Variants in TENM3 observed in about 807,000 individuals in gnomAD.
The protein encoded by TENM3 is teneurin-3.
Under a neutral mutation model 255.1 loss-of-function variants are expected in TENM3, and 63 were observed. The observed-to-expected ratio is 0.25, with a 90% CI of 0.20 to 0.30. The LOEUF is 0.30. Among genes scored for constraint, TENM3 ranks in the 10% least tolerant of loss-of-function variants. TENM3 has a pLI of 1.00. For missense variants in TENM3, 2,929 were observed against 3,461.1 expected, an observed-to-expected ratio of 0.85 and a Z score of 3.86; for synonymous variants, 1,306 against 1,322.3, an observed-to-expected ratio of 0.99 and a Z score of 0.27.
intron 7 of TENM3, among the ~76,000 whole-genome samples, chr4:182,674,078 A>G (rs1755451501): frequency 6.6e-6 from 1 of 152,240 alleles, no homozygotes; most frequent in South Asian, 2.1e-4. Context: ...AGGAATATCA[A>G]AAATGTAAGA....
chr4:182,168,228 G>A (rs1043911089), intron 1 of TENM3, among the ~76,000 whole-genome samples: 1 of 151,876 alleles, frequency 6.6e-6, no homozygotes, highest in Non-Finnish European at 1.5e-5. Flanking sequence ...TCCATCTCTG[G>A]GGCTCAAACA....
At chr4:182,727,151 A>ATT (rs778046244) in intron 13 of TENM3, among the ~76,000 whole-genome samples, 15 of 152,092 alleles carry the variant, frequency 9.9e-5, no homozygotes, top group Non-Finnish European at 2.1e-4. Context: ...GTAATTACCA[A>ATT]GGAGATAAAA....
At chr4:181,489,728 C>G in the TENM3 span, among the ~76,000 whole-genome samples, 1 of 152,098 alleles carries the variant, frequency 6.6e-6, no homozygotes, top group Non-Finnish European at 1.5e-5. Flanking sequence ...CTTTAAATAA[C>G]TAATTTCACT....
chr4:182,388,654 A>G (rs11729895), intron 3 of TENM3, among the ~76,000 whole-genome samples: 110,245 of 152,126 alleles, frequency 0.72, 42,107 homozygotes, highest in Non-Finnish European at 0.86. Flanking sequence ...TTTCAATGTA[A>G]TTCTTTTTCT....
the TENM3 span, among the ~76,000 whole-genome samples, chr4:182,005,265 C>A: frequency 6.6e-6 from 1 of 152,066 alleles, no homozygotes; most frequent in Non-Finnish European, 1.5e-5. Context: ...AGGAAGGGGT[C>A]CGGTTTCAGT....
the TENM3 span, among the ~76,000 whole-genome samples, chr4:182,075,705 T>G: frequency 6.6e-6 from 1 of 152,168 alleles, no homozygotes; most frequent in Non-Finnish European, 1.5e-5. Flanking sequence ...ACAAGAGCCA[T>G]CAACATCTCC....
chr4:181,712,436 C>A, the TENM3 span, among the ~76,000 whole-genome samples: 1 of 152,134 alleles, frequency 6.6e-6, no homozygotes, highest in Non-Finnish European at 1.5e-5. Context: ...TATCACTCCC[C>A]CTTTGCCTTT....
intron 24 of TENM3, among the ~76,000 whole-genome samples, chr4:182,778,103 G>T (rs781675129): frequency 5.3e-4 from 81 of 151,962 alleles, no homozygotes; most frequent in Non-Finnish European, 1.1e-3. Flanking sequence ...GATAGCAGTT[G>T]CTTACCTGTG....
At chr4:181,688,096 A>G in the TENM3 span, among the ~76,000 whole-genome samples, 4 of 152,232 alleles carry the variant, frequency 2.6e-5, no homozygotes, top group African/African-American at 9.6e-5. Flanking sequence ...TCTGCTCTCT[A>G]TACTCTATTT....
rs1772294384 is a variant in TENM3 at position 182,439,413 on chromosome 4, A to G, written c.511+92484A>G. ...ACAGACCCTAGGTAGAAATTTGCCT[A>G]AAAGAATTTGTATATTTTTTCCTAC... On this transcript the variant is annotated intron_variant, in intron 3 of 27. Transcript: ENST00000511685. 2.0e-5 allele frequency among the ~76,000 whole-genome samples: 3 copies of G among 152,354 alleles called. 1 individual carries two copies. In the South Asian group the frequency reaches 6.2e-4, roughly 32 times the overall value.
intron 1 of TENM3, among the ~76,000 whole-genome samples, chr4:182,314,254 TC>T (rs1477072498): frequency 6.6e-6 from 1 of 151,402 alleles, no homozygotes. Context: ...TGAGCCGAGA[TC>T]GCGCCACTAC....
the TENM3 span, among the ~76,000 whole-genome samples, chr4:181,882,626 C>A: frequency 2.0e-5 from 3 of 152,186 alleles, no homozygotes; most frequent in African/African-American, 4.8e-5. Context: ...GCATTGAAGA[C>A]CTTCTTTATC....
the TENM3 span, among the ~76,000 whole-genome samples, chr4:181,974,061 C>A: frequency 1.3e-5 from 2 of 152,192 alleles, no homozygotes; most frequent in Non-Finnish European, 2.9e-5. Context: ...GACTGTACTG[C>A]AGCTCTGAGA....
At chr4:182,055,890 C>A in the TENM3 span, among the ~76,000 whole-genome samples, 1 of 151,938 alleles carries the variant, frequency 6.6e-6, no homozygotes, top group African/African-American at 2.4e-5. Context: ...GGAAGGGAAA[C>A]AATAATTATA....
At chr4:182,037,383 AG>A in the TENM3 span, among the ~76,000 whole-genome samples, 1 of 152,098 alleles carries the variant, frequency 6.6e-6, no homozygotes, top group Non-Finnish European at 1.5e-5. Context: ...CCTGACCTCA[AG>A]TGATCCACCC....
chr4:181,989,987 A>G, the TENM3 span, among the ~76,000 whole-genome samples: 1 of 152,172 alleles, frequency 6.6e-6, no homozygotes. Flanking sequence ...TATTGTACAT[A>G]TATAAATGAT....
chr4:181,970,570 A>AT, the TENM3 span, among the ~76,000 whole-genome samples: 3 of 152,320 alleles, frequency 2.0e-5, no homozygotes, highest in East Asian at 5.8e-4. Flanking sequence ...ACCATCAGTG[A>AT]TTCATAACCA....
rs371333227 is a variant in TENM3, at chr4:182,335,884, C to T, written c.233-10767C>T. 9.2e-5 allele frequency among the ~76,000 whole-genome samples: 14 copies of T among 152,162 alleles called. No individual in the cohort carries two copies. The East Asian group carries it at 1.4e-3, about 15-fold the overall frequency. On this transcript the variant is annotated intron_variant, in intron 2 of 27. Coordinates refer to ENST00000511685, the MANE Select transcript of TENM3 (RefSeq NM_001080477.4). ...GGAAATGGCATGCATAGACAATTCA[C>T]AAAAGAGAAATTCACACGGTCAGTA...
chr4:182,561,969 CAGATAGATAGATAGACAGAT>C (rs1315354795), intron 3 of TENM3, among the ~76,000 whole-genome samples: 1 of 141,710 alleles, frequency 7.1e-6, no homozygotes, highest in East Asian at 2.1e-4. Context: ...TGTGTATATC[CAGATAGATAGATAGACAGAT>C]AGATAGATAG....
Sources: gnomAD v4.1 joint callset for allele counts (sites outside exome capture counted in the v4.1 genomes callset) on GRCh38, gnomAD v4.1.1 for gene constraint, MANE v1.5 for transcripts, NCBI Gene and HGNC (gene_info 2026-07-23, HGNC 2026-07-21) for gene names.